NCOA1: variants seen among roughly 807,000 people sequenced by gnomAD.
The protein encoded by NCOA1 is Hin-2 protein.
Under a neutral mutation model 150.9 loss-of-function variants are expected in NCOA1, and 35 were observed. The observed-to-expected ratio is 0.23, with a 90% CI of 0.18 to 0.31. The LOEUF (loss-of-function observed/expected upper bound fraction) is 0.31, where lower values mean the gene tolerates loss of function less well. Among genes scored for constraint, NCOA1 ranks in the 10% least tolerant of loss-of-function variants. NCOA1 has a pLI of 1.00. For synonymous variants in NCOA1, 590 were observed against 630.0 expected (o/e 0.94, Z 0.95); for missense variants, 1,491 against 1,749.3 (o/e 0.85, Z 2.63).
intron 1 of NCOA1, among the ~76,000 whole-genome samples, chr2:24,555,798 A>C (rs897088893): frequency 1.3e-5 from 2 of 151,986 alleles, no homozygotes; most frequent in Admixed American, 6.6e-5. Flanking sequence ...TATCCTTTTT[A>C]CTTAACTTTT....
chr2:24,498,111 G>A (rs1021004758), intron 1 of NCOA1, among the ~76,000 whole-genome samples: 7 of 152,190 alleles, frequency 4.6e-5, no homozygotes. Context: ...ACATCTGTAT[G>A]TGTAATATTG....
At chr2:24,565,620 T>A (rs975915254) in intron 2 of NCOA1, among the ~76,000 whole-genome samples, 2 of 152,214 alleles carry the variant, frequency 1.3e-5, no homozygotes, top group South Asian at 4.1e-4. Context: ...TGGTGGCGCC[T>A]TTGCCTGAGT....
intron 2 of NCOA1, among the ~76,000 whole-genome samples, chr2:24,573,478 T>C (rs1572435897): frequency 6.6e-6 from 1 of 152,240 alleles, no homozygotes; most frequent in East Asian, 1.9e-4. Context: ...CTGTCCTTAC[T>C]CTTCATATTG....
intron 20 of NCOA1, among the ~76,000 whole-genome samples, chr2:24,752,955 G>A (rs949822298): frequency 6.6e-6 from 1 of 151,378 alleles, no homozygotes; most frequent in Admixed American, 6.6e-5. Flanking sequence ...TTTTAATTTG[G>A]TTGTGTCTTA....
chr2:24,672,792 T>C (rs1485506161), intron 6 of NCOA1, among the ~76,000 whole-genome samples: 1 of 152,176 alleles, frequency 6.6e-6, no homozygotes, highest in African/African-American at 2.4e-5. Flanking sequence ...GATCAGAAAC[T>C]TTTATTATTT....
chr2:24,588,029 G>A (rs1475006227), intron 3 of NCOA1, among the ~76,000 whole-genome samples: 3 of 152,068 alleles, frequency 2.0e-5, no homozygotes, highest in Admixed American at 1.3e-4. Flanking sequence ...CTGACCATGG[G>A]ACTCTGCAGT....
intron 21 of NCOA1, among the ~76,000 whole-genome samples, chr2:24,759,611 G>T (rs1451756281): frequency 1.3e-5 from 2 of 152,040 alleles, no homozygotes; most frequent in East Asian, 3.8e-4. Context: ...CAACCACAAA[G>T]TATGCTATAG....
At chr2:24,756,160 AG>A (rs2148687561) in intron 20 of NCOA1, among the ~76,000 whole-genome samples, 1 of 151,992 alleles carries the variant, frequency 6.6e-6, no homozygotes, top group East Asian at 1.9e-4. Context: ...AGGCTGAGGC[AG>A]GAGAATCACT....
intron 5 of NCOA1, among the ~76,000 whole-genome samples, chr2:24,660,823 G>A (rs1327607939): frequency 6.6e-6 from 1 of 152,000 alleles, no homozygotes; most frequent in Non-Finnish European, 1.5e-5. Flanking sequence ...ACTTTGGAAG[G>A]CCGAGGCAGG....
At chr2:24,639,916 GTA>G (rs67632791) in intron 3 of NCOA1, among the ~76,000 whole-genome samples, 409 of 29,458 alleles carry the variant, frequency 0.014, 5 homozygotes, top group Non-Finnish European at 0.027. Flanking sequence ...ATGTGTGTGT[GTA>G]TATATATATA....
intron 1 of NCOA1, among the ~76,000 whole-genome samples, chr2:24,499,732 T>A (rs1281005463): frequency 6.6e-6 from 1 of 152,220 alleles, no homozygotes; most frequent in Admixed American, 6.5e-5. Context: ...TTTTACTGAT[T>A]TATTTATGCC....
chr2:24,739,497 T>C lies in NCOA1; in HGVS notation c.3267T>C (p.Asn1089=), dbSNP rs766280102. Reference sequence around the variant, plus strand: ...CAGCAACTGCTCCTGTTGGCATCAATATGAGATCAGGCATGCAACAGCAAA... The same window carrying C: ...CAGCAACTGCTCCTGTTGGCATCAACATGAGATCAGGCATGCAACAGCAAA... ...QFAATAPVGI[N]MRSGMQQQIT... The change falls in exon 18 of 23, where the codon AAT becomes AAC. Residue 1089 remains asparagine, a synonymous_variant. Coordinates refer to ENST00000348332, the MANE Select transcript of NCOA1 (RefSeq NM_003743.5). The C allele has an allele frequency of 3.7e-6, 6 of 1,613,816 alleles. No individual in the cohort carries two copies. In the East Asian group the frequency reaches 1.3e-4, roughly 36 times the overall value.
At chr2:24,636,820 A>AT (rs1412787385) in intron 3 of NCOA1, among the ~76,000 whole-genome samples, 2 of 152,032 alleles carry the variant, frequency 1.3e-5, no homozygotes, top group African/African-American at 4.8e-5. Flanking sequence ...TTTATCATGA[A>AT]TGGGTGCTGA....
intron 1 of NCOA1, among the ~76,000 whole-genome samples, chr2:24,557,646 A>T (rs528902942): frequency 6.6e-6 from 1 of 152,122 alleles, no homozygotes; most frequent in African/African-American, 2.4e-5. Flanking sequence ...GCAGGGAGTG[A>T]ATTATCTCAG....
At chr2:24,709,504 AT>A (rs1381413530) in intron 13 of NCOA1, among the ~76,000 whole-genome samples, 1 of 152,022 alleles carries the variant, frequency 6.6e-6, no homozygotes, top group Non-Finnish European at 1.5e-5. Flanking sequence ...CCATTTTTTA[AT>A]GTGTTTTTAT....
At chr2:24,501,514 A>G (rs959760663) in intron 1 of NCOA1, among the ~76,000 whole-genome samples, 2 of 152,184 alleles carry the variant, frequency 1.3e-5, no homozygotes, top group Non-Finnish European at 2.9e-5. Flanking sequence ...TTTACTTGCT[A>G]TAATATTCTT....
chr2:24,543,251 ATTCTAGGAAGCCAAACTTCC>A (rs1665472055), intron 1 of NCOA1, among the ~76,000 whole-genome samples: 1 of 152,170 alleles, frequency 6.6e-6, no homozygotes, highest in African/African-American at 2.4e-5. Context: ...AAGCAAGAGA[ATTCTAGGAAGCCAAACTTCC>A]TTTTATAACA....
chr2:24,623,496 C>G (rs977049170), intron 3 of NCOA1, among the ~76,000 whole-genome samples: 1 of 152,078 alleles, frequency 6.6e-6, no homozygotes, highest in African/African-American at 2.4e-5. Context: ...GGTCTTTGCC[C>G]TCTTCCTTCA....
chr2:24,577,079 A>G (rs1163873818), intron 2 of NCOA1, among the ~76,000 whole-genome samples: 5 of 151,684 alleles, frequency 3.3e-5, no homozygotes, highest in South Asian at 4.2e-4. Context: ...ACTGGTTGTC[A>G]TTTTTCAGCT....
Sources: gnomAD v4.1 joint callset for allele counts (sites outside exome capture counted in the v4.1 genomes callset) on GRCh38, gnomAD v4.1.1 for gene constraint, MANE v1.5 for transcripts, NCBI Gene and HGNC (gene_info 2026-07-23, HGNC 2026-07-21) for gene names.